The following MYO3B variants were observed in gnomAD, a reference collection of about 807,000 sequenced individuals.
MYO3B encodes myosin-IIIb.
Under a neutral mutation model 174.6 loss-of-function variants are expected in MYO3B, and 156 were observed. The observed-to-expected ratio is 0.89, with a 90% CI of 0.78 to 1.02. The LOEUF (loss-of-function observed/expected upper bound fraction) is 1.02, where lower values mean the gene tolerates loss of function less well. MYO3B is among the 50% of genes least tolerant of loss of function. MYO3B has a pLI of 0.00. For missense variants in MYO3B, 1,632 were observed against 1,639.4 expected, an observed-to-expected ratio of 1.00 and a Z score of 0.08; for synonymous variants, 563 against 569.1, an observed-to-expected ratio of 0.99 and a Z score of 0.15.
chr2:170,330,953 G>A (rs540349672), intron 7 of MYO3B, among the ~76,000 whole-genome samples: 50 of 152,274 alleles, frequency 3.3e-4, no homozygotes, highest in African/African-American at 1.1e-3. Flanking sequence ...CCTGCAACAT[G>A]TATATGTTTG....
chr2:170,460,487 C>CCAA (rs71399537), intron 23 of MYO3B, among the ~76,000 whole-genome samples: 1 of 73,682 alleles, frequency 1.4e-5, no homozygotes, highest in Non-Finnish European at 2.3e-5. Flanking sequence ...GACTCCGTCT[C>CCAA]AAAAAAAAAA....
At chr2:170,183,256 C>CAA (rs143281423) in intron 1 of MYO3B, among the ~76,000 whole-genome samples, 4 of 149,726 alleles carry the variant, frequency 2.7e-5, no homozygotes, top group East Asian at 2.0e-4. Context: ...GACTCTGTCT[C>CAA]AAAAAAAAAC....
chr2:170,271,398 T>G (rs1411911937), intron 7 of MYO3B, among the ~76,000 whole-genome samples: 4 of 152,188 alleles, frequency 2.6e-5, no homozygotes, highest in African/African-American at 9.7e-5. Flanking sequence ...TAAATCACAC[T>G]GAGAGAATGG....
At chr2:170,423,112 G>C (rs1287781927) in intron 22 of MYO3B, among the ~76,000 whole-genome samples, 1 of 149,734 alleles carries the variant, frequency 6.7e-6, no homozygotes, top group African/African-American at 2.5e-5. Flanking sequence ...CTCCCAAGTA[G>C]CTGAGATTAC....
chr2:170,519,879 A>C (rs1688559408), intron 30 of MYO3B: 1 of 205,160 alleles, frequency 4.9e-6, no homozygotes, highest in African/African-American at 2.4e-5. Context: ...AGGCTGAGGC[A>C]GGAGAATCAC....
chr2:170,235,935 A>G (rs1035625), intron 6 of MYO3B, 56 bp from the exon 7 acceptor site: 1,002,830 of 1,604,646 alleles, frequency 0.62, 316,140 homozygotes, highest in African/African-American at 0.78. Context: ...GGGCCTTTTT[A>G]GGACATCTGA....
At chr2:170,474,299 C>T (rs1373052679) in intron 25 of MYO3B, among the ~76,000 whole-genome samples, 1 of 152,134 alleles carries the variant, frequency 6.6e-6, no homozygotes, top group Non-Finnish European at 1.5e-5. Flanking sequence ...GCCTGGATCA[C>T]ATGCCCACCC....
chr2:170,377,471 T>C (rs10207382), intron 9 of MYO3B, among the ~76,000 whole-genome samples: 48,364 of 151,828 alleles, frequency 0.32, 8,931 homozygotes, highest in African/African-American at 0.52. Flanking sequence ...TACGCTGCAC[T>C]CATTTCCTTG....
intron 7 of MYO3B, among the ~76,000 whole-genome samples, chr2:170,323,970 G>T (rs1574785891): frequency 1.3e-5 from 2 of 152,222 alleles, no homozygotes; most frequent in East Asian, 3.9e-4. Flanking sequence ...TGACTGAGTT[G>T]GTGAGAAATT....
intron 30 of MYO3B, chr2:170,524,359 G>A: frequency 3.0e-6 from 1 of 338,934 alleles, no homozygotes; most frequent in South Asian, 2.2e-5. Flanking sequence ...GAATCACTGG[G>A]TTATGCAGGG....
chr2:170,455,800 G>A (rs1430113253), intron 23 of MYO3B, among the ~76,000 whole-genome samples: 1 of 152,152 alleles, frequency 6.6e-6, no homozygotes, highest in Non-Finnish European at 1.5e-5. Flanking sequence ...GAACCAAACA[G>A]GATGTTTATC....
At chr2:170,547,725 G>A (rs768876024) in intron 32 of MYO3B, among the ~76,000 whole-genome samples, 1 of 152,152 alleles carries the variant, frequency 6.6e-6, no homozygotes, top group Non-Finnish European at 1.5e-5. Flanking sequence ...TCATGCACTT[G>A]GATGTTGTGT....
chr2:170,355,615 C>G (rs1196323659), intron 8 of MYO3B, among the ~76,000 whole-genome samples: 2 of 152,180 alleles, frequency 1.3e-5, no homozygotes, highest in Admixed American at 6.5e-5. Context: ...TTATTCCTGC[C>G]CTTCCCCAAC....
chr2:170,235,928 C>G (rs2093064528), intron 6 of MYO3B, 63 bp from the exon 7 acceptor site: 1 of 1,602,258 alleles, frequency 6.2e-7, no homozygotes, highest in African/African-American at 1.3e-5. Context: ...CAGCCCAGGG[C>G]CTTTTTAGGA....
At chr2:170,575,271 T>C (rs1018697843) in intron 32 of MYO3B, among the ~76,000 whole-genome samples, 3 of 152,138 alleles carry the variant, frequency 2.0e-5, no homozygotes, top group Non-Finnish European at 4.4e-5. Context: ...ATAAAGTATA[T>C]AATATAAATT....
At chr2:170,588,710 C>T (rs1183425737) in intron 32 of MYO3B, among the ~76,000 whole-genome samples, 2 of 152,208 alleles carry the variant, frequency 1.3e-5, no homozygotes, top group African/African-American at 4.8e-5. Flanking sequence ...GTTATAGCAG[C>T]TTTTAAGGTC....
intron 32 of MYO3B, among the ~76,000 whole-genome samples, chr2:170,628,142 G>C (rs1403621133): frequency 6.6e-6 from 1 of 152,202 alleles, no homozygotes. Flanking sequence ...CCTGCCTCCA[G>C]AGATGGAGTC....
At chr2:170,542,066 C>T (rs1042368013) in intron 30 of MYO3B, among the ~76,000 whole-genome samples, 2 of 151,744 alleles carry the variant, frequency 1.3e-5, no homozygotes, top group African/African-American at 2.4e-5. Context: ...ACTAGGACCC[C>T]GAATACTACA....
rs73029098 is a variant in MYO3B, at chr2:170,580,182, T to C, written c.3733+36194T>C. Among the ~76,000 whole-genome samples the C allele has an allele frequency of 4.7e-3, 709 of 151,966 alleles. 4 individuals carry two copies. Among genetic ancestry groups the C allele is most frequent in the African/African-American group, 0.016 (683 of 41,562 alleles). ...ATGTCTAATAGTAATCATAAAGGCATGTCTAATAGTTAATAATATCACATT... is the reference window on the plus strand; with the variant it reads ...ATGTCTAATAGTAATCATAAAGGCACGTCTAATAGTTAATAATATCACATT... On this transcript the variant is annotated intron_variant, in intron 32 of 34. Coordinates refer to ENST00000408978, the MANE Select transcript of MYO3B (RefSeq NM_138995.5).
Sources: allele counts gnomAD v4.1 joint callset (sites outside exome capture counted in the v4.1 genomes callset), GRCh38; gene constraint gnomAD v4.1.1; transcripts MANE v1.5; gene names NCBI Gene and HGNC (gene_info 2026-07-23, HGNC 2026-07-21).